Variants in SMTN observed in about 807,000 individuals in gnomAD.
SMTN encodes smoothelin.
A neutral mutation model predicts 102.0 loss-of-function variants in SMTN; 58 were observed. The ratio of observed to expected loss-of-function variants is 0.57; its 90% CI spans 0.46 to 0.71. The LOEUF (loss-of-function observed/expected upper bound fraction) is 0.71. SMTN is among the 30% of genes least tolerant of loss of function. The probability of loss-of-function intolerance (pLI) is 0.00; values close to 1 mark genes in which losing one functional copy is unlikely to be tolerated. For missense variants in SMTN, 1,185 were observed against 1,241.7 expected, an observed-to-expected ratio of 0.95 and a Z score of 0.69; for synonymous variants, 478 against 497.9, an observed-to-expected ratio of 0.96 and a Z score of 0.53.
rs1372794217 is a variant in SMTN at position 31,083,201 on chromosome 22, T to C, written c.-58T>C. 1 of 1,582,650 alleles carries C rather than the reference T, an allele frequency of 6.3e-7. No homozygotes were observed. Among genetic ancestry groups the C allele is most frequent in the Middle Eastern group, 1.7e-4 (1 of 5,886 alleles). On this transcript the variant is annotated 5_prime_UTR_variant, in exon 2 of 21. Coordinates refer to ENST00000333137, the MANE Select transcript of SMTN (RefSeq NM_134269.3). Reference sequence around the variant, plus strand: ...CAGAATTCTCTGAGCTGGTGACAGGTGCCACAGGCACTGGGGATCTCACCA... The same window carrying C: ...CAGAATTCTCTGAGCTGGTGACAGGCGCCACAGGCACTGGGGATCTCACCA...
chr22:31,097,992 A>G (rs1266358909), intron 16 of SMTN, among the ~76,000 whole-genome samples: 1 of 152,198 alleles, frequency 6.6e-6, no homozygotes, highest in Non-Finnish European at 1.5e-5. Flanking sequence ...TGGCACTGCC[A>G]CTTCCCAGTA....
intron 2 of SMTN, among the ~76,000 whole-genome samples, chr22:31,084,162 C>G (rs1286690764): frequency 6.6e-6 from 1 of 152,188 alleles, no homozygotes; most frequent in Non-Finnish European, 1.5e-5. Context: ...GCACAGAGGC[C>G]GTAGGGCAAC....
intron 16 of SMTN, 47 bp downstream of exon 16, chr22:31,097,385 A>G (rs1453661713): frequency 1.3e-6 from 2 of 1,549,490 alleles, no homozygotes; most frequent in East Asian, 2.2e-5. Flanking sequence ...TCAGTGCCAC[A>G]GGGGACCTAA....
intron 1 of SMTN, 142 bp from the exon 2 acceptor site, chr22:31,083,037 G>A (rs1308964039): frequency 1.4e-6 from 2 of 1,402,474 alleles, no homozygotes; most frequent in Admixed American, 2.0e-5. Flanking sequence ...AGGGCAGAGG[G>A]CAGCTTCCAG....
Position 31,088,755 on chromosome 22 carries a change from T to C in SMTN, c.351T>C (p.Arg117=). The C allele has an allele frequency of 6.2e-7, 1 of 1,613,174 alleles. No homozygotes were observed. Among genetic ancestry groups the C allele is most frequent in the Non-Finnish European group, 8.5e-7 (1 of 1,179,552 alleles). ...AGCTGATCCGAGCTGCCATCCGCCG[T>C]GTACGGGCTCAGGAGATTGAGGGTA... ...ERKLIRAAIR[R]VRAQEIEAAT... The change falls in exon 5 of 21, where the codon CGT becomes CGC. Residue 117 remains arginine (R), a synonymous_variant. Coordinates refer to ENST00000333137, the MANE Select transcript of SMTN (RefSeq NM_134269.3).
chr22:31,091,635 C>G (rs765481136), intron 10 of SMTN, 40 bp from the exon 11 acceptor site: 1 of 1,554,898 alleles, frequency 6.4e-7, no homozygotes, highest in Non-Finnish European at 8.7e-7. Context: ...TGCCCTCACT[C>G]CACCTGATCC....
chr22:31,090,864 C>G lies in SMTN; in HGVS notation c.922C>G (p.Pro308Ala), dbSNP rs777325908. ...RSLSVLSPRQ[P>A]AQNRESTPLA... ...CCTGTCGGTGCTCAGCCCCCGCCAA[C>G]CAGCCCAGAACCGAGGTACTACCTA... The change falls in exon 9 of 21, where the codon CCA (proline) becomes GCA (alanine). Residue 308 changes from proline to alanine, a missense_variant. Pro to Ala is a conservative substitution (Grantham distance 27). Around this residue, in one of 2 missense-constraint regions of SMTN, gnomAD observed 1,096 missense variants for 1,112.7 expected, o/e 0.98. Coordinates refer to ENST00000333137, the MANE Select transcript of SMTN (RefSeq NM_134269.3). 1 of 1,613,892 alleles carries G rather than the reference C, an allele frequency of 6.2e-7. No homozygotes were observed. The highest frequency in any genetic ancestry group is 8.5e-7 in the Non-Finnish European group (1 of 1,179,956).
chr22:31,095,281 A>G lies in SMTN; in HGVS notation c.1633-22A>G, dbSNP rs756726459. ...TCACCCATACCCCTGCTTAAAGTCC[A>G]TGCCCTCTCCCCACCCTGCAGATGG... On this transcript the variant is annotated intron_variant, in intron 11 of 20. Coordinates refer to ENST00000333137, the MANE Select transcript of SMTN (RefSeq NM_134269.3). The surrounding 1 kb of genome is among the most constrained non-coding windows in gnomAD (Gnocchi z 4.1). 2.5e-6 allele frequency: 4 copies of G among 1,612,018 alleles called. No individual in the cohort carries two copies. The South Asian group carries it at 4.4e-5, about 18-fold the overall frequency.
At chr22:31,100,465 C>A (rs1389585687) in intron 19 of SMTN, among the ~76,000 whole-genome samples, 1 of 152,008 alleles carries the variant, frequency 6.6e-6, no homozygotes, top group Admixed American at 6.6e-5. Flanking sequence ...CTTCCTCCTC[C>A]TCCTTCTCCT....
At chr22:31,093,502 T>C in intron 11 of SMTN, 1 of 657,778 alleles carries the variant, frequency 1.5e-6, no homozygotes, top group Non-Finnish European at 2.8e-6. Flanking sequence ...TGAGGAGCAG[T>C]TGGGCCGGGC....
intron 1 of SMTN, among the ~76,000 whole-genome samples, chr22:31,070,122 G>A (rs2041962477): frequency 6.6e-6 from 1 of 152,114 alleles, no homozygotes; most frequent in African/African-American, 2.4e-5. Flanking sequence ...ATGCAAATCA[G>A]ATCTGATCAC....
intron 1 of SMTN, among the ~76,000 whole-genome samples, chr22:31,071,698 T>TC (rs2042008040): frequency 1.1e-5 from 1 of 89,454 alleles, no homozygotes; most frequent in African/African-American, 7.0e-5. Flanking sequence ...CTCTCTCTCT[T>TC]TTTTTTTTTT....
upstream of SMTN, among the ~76,000 whole-genome samples, chr22:31,081,079 G>A (rs2042272471): frequency 6.6e-6 from 1 of 151,844 alleles, no homozygotes; most frequent in Non-Finnish European, 1.5e-5. Context: ...CAGAGCCTGC[G>A]TCCCCCTGCC....
chr22:31,070,720 T>G, intron 1 of SMTN, among the ~76,000 whole-genome samples: 1 of 150,840 alleles, frequency 6.6e-6, no homozygotes, highest in African/African-American at 2.4e-5. Context: ...GGTCAGGGGT[T>G]CAAGACCAGC....
intron 2 of SMTN, among the ~76,000 whole-genome samples, chr22:31,086,195 AG>A (rs2042689286): frequency 6.6e-6 from 1 of 152,188 alleles, no homozygotes; most frequent in Non-Finnish European, 1.5e-5. Flanking sequence ...TCCAGGCTAG[AG>A]GGGTCTCCAA....
chr22:31,104,415 C>T lies in SMTN; in HGVS notation c.*120C>T. The T allele has an allele frequency of 6.2e-7, 1 of 1,614,172 alleles. No homozygotes were observed. The highest frequency in any genetic ancestry group is 1.6e-4 in the Middle Eastern group (1 of 6,062). On this transcript the variant is annotated 3_prime_UTR_variant, in exon 21 of 21. Coordinates refer to ENST00000333137, the MANE Select transcript of SMTN (RefSeq NM_134269.3). ...GTGTCTTCACCTATGTGCAGTCGCT[C>T]TACAACCACCTGCGACGCCACGAAC...
At chr22:31,100,504 C>A (rs2147809720) in intron 19 of SMTN, among the ~76,000 whole-genome samples, 1 of 152,076 alleles carries the variant, frequency 6.6e-6, no homozygotes, top group Middle Eastern at 3.4e-3. Flanking sequence ...TCCTCTCACG[C>A]CTCCCTCACC....
chr22:31,078,359 T>C (rs1478040685), upstream of SMTN, among the ~76,000 whole-genome samples: 1 of 152,192 alleles, frequency 6.6e-6, no homozygotes, highest in African/African-American at 2.4e-5. Context: ...AGCAAAATAT[T>C]ACCCCTAGCC....
In SMTN at chr22:31,100,938, G is replaced by A. The variant is rs759430445; in HGVS notation, c.2657G>A (p.Arg886Gln). The A allele has an allele frequency of 6.2e-6, 10 of 1,612,260 alleles. No individual in the cohort carries two copies. The highest frequency in any genetic ancestry group is 1.3e-5 in the African/African-American group (1 of 74,776). Reference sequence around the variant, plus strand: ...GATACAGAGGACATGGTGCGGCTTCGAGAGCCTGACTGGAAGTGCGTGTAC... The same window carrying A: ...GATACAGAGGACATGGTGCGGCTTCAAGAGCCTGACTGGAAGTGCGTGTAC... ...LLDTEDMVRL[R>Q]EPDWKCVYTY... is the part of the protein sequence containing the mutation. The change falls in exon 20 of 21, where the codon CGA (arginine) becomes CAA (glutamine). Residue 886 changes from arginine (R) to glutamine (Q), a missense_variant. Coordinates refer to ENST00000333137, the MANE Select transcript of SMTN (RefSeq NM_134269.3).
Sources: allele counts gnomAD v4.1 joint callset (sites outside exome capture counted in the v4.1 genomes callset), GRCh38; gene constraint gnomAD v4.1.1; regional missense constraint gnomAD v4.1.1; non-coding constraint Gnocchi (gnomAD v3.1); transcripts MANE v1.5; gene names NCBI Gene and HGNC (gene_info 2026-07-23, HGNC 2026-07-21).